The following EYA4 variants were observed in gnomAD, a reference collection of about 807,000 sequenced individuals.
The protein encoded by EYA4 is EYA transcriptional coactivator and phosphatase 4.
Under a neutral mutation model 87.9 loss-of-function variants are expected in EYA4, and 31 were observed. The observed-to-expected ratio is 0.35, with a 90% CI of 0.27 to 0.48. EYA4 has a LOEUF of 0.48. EYA4 is among the 20% of genes least tolerant of loss of function. The probability of loss-of-function intolerance (pLI) is 0.99; values close to 1 mark genes in which losing one functional copy is unlikely to be tolerated. For missense variants in EYA4, 678 were observed against 761.4 expected, an observed-to-expected ratio of 0.89 and a Z score of 1.29; for synonymous variants, 263 against 270.6, an observed-to-expected ratio of 0.97 and a Z score of 0.28.
intron 1 of EYA4, among the ~76,000 whole-genome samples, chr6:133,255,212 G>C (rs1775240136): frequency 1.3e-5 from 2 of 152,044 alleles, no homozygotes; most frequent in African/African-American, 4.8e-5. Flanking sequence ...TTGATATTCA[G>C]AGAAGGAAAT....
intron 3 of EYA4, among the ~76,000 whole-genome samples, chr6:133,440,610 A>C (rs773719787): frequency 2.6e-4 from 39 of 152,238 alleles, no homozygotes; most frequent in Non-Finnish European, 5.0e-4. Flanking sequence ...CTGTTTGGAG[A>C]AAGTAGCATT....
chr6:133,330,916 G>C (rs1246895931), intron 2 of EYA4, among the ~76,000 whole-genome samples: 1 of 151,486 alleles, frequency 6.6e-6, no homozygotes, highest in African/African-American at 2.4e-5. Context: ...TATGTTGGCT[G>C]TTGGCAATTT....
At chr6:133,437,445 A>G (rs1271032204) in intron 3 of EYA4, among the ~76,000 whole-genome samples, 1 of 152,192 alleles carries the variant, frequency 6.6e-6, no homozygotes, top group Non-Finnish European at 1.5e-5. Flanking sequence ...ACTGCTGTGT[A>G]TCCTCTCTGA....
At chr6:133,472,833 C>T (rs1795388935) in intron 11 of EYA4, among the ~76,000 whole-genome samples, 2 of 137,760 alleles carry the variant, frequency 1.5e-5, no homozygotes, top group African/African-American at 5.5e-5. Flanking sequence ...GAATTGATCC[C>T]TTTACCATTA....
At chr6:133,373,716 G>C in intron 2 of EYA4, among the ~76,000 whole-genome samples, 1 of 151,990 alleles carries the variant, frequency 6.6e-6, no homozygotes. Context: ...ATAAACAAAA[G>C]GTATAAAGAA....
chr6:133,313,784 C>A (rs1365926673), intron 2 of EYA4, among the ~76,000 whole-genome samples: 4 of 152,148 alleles, frequency 2.6e-5, no homozygotes, highest in Non-Finnish European at 5.9e-5. Flanking sequence ...ACTTTGTTTT[C>A]TGTCAGTTTC....
chr6:133,327,629 C>T (rs1322075919), intron 2 of EYA4, among the ~76,000 whole-genome samples: 1 of 152,174 alleles, frequency 6.6e-6, no homozygotes, highest in African/African-American at 2.4e-5. Context: ...GATTTCTGCT[C>T]CTAAATTGTC....
chr6:133,525,662 G>A (rs1800579366), intron 19 of EYA4, among the ~76,000 whole-genome samples: 1 of 152,118 alleles, frequency 6.6e-6, no homozygotes, highest in South Asian at 2.1e-4. Flanking sequence ...CCATTGTTAA[G>A]CACATGAAAT....
At chr6:133,251,542 G>A (rs1774903886) in intron 1 of EYA4, among the ~76,000 whole-genome samples, 1 of 152,176 alleles carries the variant, frequency 6.6e-6, no homozygotes, top group Admixed American at 6.5e-5. Context: ...GCTACCAGGT[G>A]TATCTGTATA....
At chr6:133,515,082 T>C (rs1175389039) in intron 16 of EYA4, among the ~76,000 whole-genome samples, 3 of 152,186 alleles carry the variant, frequency 2.0e-5, no homozygotes. Flanking sequence ...GGGCAGAGAC[T>C]GGGGCCACTT....
At chr6:133,358,778 G>A (rs1419085958) in intron 2 of EYA4, among the ~76,000 whole-genome samples, 3 of 152,134 alleles carry the variant, frequency 2.0e-5, no homozygotes, top group Admixed American at 6.5e-5. Flanking sequence ...AGGAAGACAC[G>A]CACTCAAGAG....
At chr6:133,407,601 A>G (rs1285036278) in intron 3 of EYA4, among the ~76,000 whole-genome samples, 1 of 152,110 alleles carries the variant, frequency 6.6e-6, no homozygotes, top group Non-Finnish European at 1.5e-5. Context: ...TGCAATCATA[A>G]ATCTTCTCAG....
chr6:133,321,845 C>T (rs1265639361), intron 2 of EYA4, among the ~76,000 whole-genome samples: 1 of 152,260 alleles, frequency 6.6e-6, no homozygotes, highest in East Asian at 1.9e-4. Flanking sequence ...GGTGTGTCCT[C>T]TCTACTGTTT....
chr6:133,260,101 A>T (rs1396049250), intron 1 of EYA4, among the ~76,000 whole-genome samples: 1 of 150,770 alleles, frequency 6.6e-6, no homozygotes, highest in Non-Finnish European at 1.5e-5. Context: ...TTTCAATTTT[A>T]TTTCTGTTTC....
chr6:133,318,521 A>G (rs1427525261), intron 2 of EYA4, among the ~76,000 whole-genome samples: 3 of 151,982 alleles, frequency 2.0e-5, no homozygotes, highest in Non-Finnish European at 4.4e-5. Flanking sequence ...CTGTCTTCCC[A>G]TCTGATAAAA....
chr6:133,320,903 T>C (rs1296259517), intron 2 of EYA4, among the ~76,000 whole-genome samples: 1 of 152,204 alleles, frequency 6.6e-6, no homozygotes, highest in African/African-American at 2.4e-5. Flanking sequence ...TTCTACATAC[T>C]GAGGTGTATC....
At chr6:133,448,754 A>C (rs1011985445) in intron 5 of EYA4, among the ~76,000 whole-genome samples, 2 of 152,180 alleles carry the variant, frequency 1.3e-5, no homozygotes, top group African/African-American at 4.8e-5. Flanking sequence ...TGAACTATGG[A>C]TATTAACTGC....
intron 5 of EYA4, among the ~76,000 whole-genome samples, chr6:133,454,081 T>A (rs998506518): frequency 2.0e-5 from 3 of 152,184 alleles, no homozygotes; most frequent in African/African-American, 7.2e-5. Flanking sequence ...GTAACAAAAC[T>A]AATCTTCATG....
In EYA4 at chr6:133,522,927, T is replaced by C. The variant is rs992076662; in HGVS notation, c.1617-129T>C. 5.4e-6 allele frequency: 4 copies of C among 735,454 alleles called. No individual in the cohort carries two copies. In the African/African-American group the frequency reaches 7.0e-5, roughly 13 times the overall value. The allele number at this position is 735,454 out of a possible 1,614,324, so 45.6% of individuals were successfully genotyped here. On this transcript the variant is annotated intron_variant, in intron 17 of 19. Coordinates refer to ENST00000355286, the MANE Select transcript of EYA4 (RefSeq NM_004100.5). ...TATTGGAGGAGTGTCTGTCTGCTGA[T>C]AGGCAATAGTAATGAATTTTGAAAG...
Sources: gnomAD v4.1 joint callset for allele counts (sites outside exome capture counted in the v4.1 genomes callset) on GRCh38, gnomAD v4.1.1 for gene constraint, MANE v1.5 for transcripts, NCBI Gene and HGNC (gene_info 2026-07-23, HGNC 2026-07-21) for gene names.